PRDM9: variants seen among roughly 807,000 people sequenced by gnomAD.
The protein encoded by PRDM9 is histone-lysine N-methyltransferase PRDM9.
In PRDM9, 47 loss-of-function variants were observed where a neutral mutation model predicts 55.6. That is an observed-to-expected ratio of 0.85 (90% CI 0.67 to 1.08). PRDM9 has a LOEUF of 1.08. PRDM9 is among the 50% of genes least tolerant of loss of function. The pLI, the probability that PRDM9 is intolerant of heterozygous loss-of-function variation, is 0.00. For missense variants in PRDM9, 867 were observed against 1,040.3 expected (o/e 0.83, Z 2.29); for synonymous variants, 312 against 375.7 (o/e 0.83, Z 1.96).
intron 4 of PRDM9, among the ~76,000 whole-genome samples, chr5:23,514,641 T>C (rs1360635336): frequency 6.6e-6 from 1 of 152,118 alleles, no homozygotes; most frequent in Non-Finnish European, 1.5e-5. Flanking sequence ...GGTTTTACCA[T>C]GTTGACCAGG....
At chr5:23,508,348 G>C (rs1166672693) in intron 1 of PRDM9, among the ~76,000 whole-genome samples, 1 of 151,826 alleles carries the variant, frequency 6.6e-6, no homozygotes, top group African/African-American at 2.4e-5. Flanking sequence ...AAGCTCCTCA[G>C]CTCGAGATAC....
intron 5 of PRDM9, among the ~76,000 whole-genome samples, chr5:23,518,466 A>T (rs1739262818): frequency 1.3e-5 from 2 of 152,190 alleles, no homozygotes; most frequent in Non-Finnish European, 2.9e-5. Flanking sequence ...TGTTATGGTA[A>T]AGTGAGATTT....
chr5:23,523,282 G>C lies in PRDM9; in HGVS notation c.883-9G>C. ...TAAAAAGCCTTTGCCTTGTTTTTCT[G>C]AAACTCAGATCACCAAGGGGAGAAA... is the stretch of plus-strand genomic sequence containing the variant. On this transcript the variant is annotated splice_polypyrimidine_tract_variant and intron_variant, in intron 8 of 10. Coordinates refer to ENST00000296682, the MANE Select transcript of PRDM9 (RefSeq NM_020227.4). The C allele has an allele frequency of 2.5e-6, 4 of 1,613,008 alleles. No homozygotes were observed. Among genetic ancestry groups the C allele is most frequent in the Non-Finnish European group, 3.4e-6 (4 of 1,179,022 alleles).
At position 23,524,364 on chromosome 5, in the gene PRDM9, G is replaced by A. The variant is rs377334359; in HGVS notation, c.981G>A (p.Glu327=). The A allele has an allele frequency of 2.3e-5, 37 of 1,614,004 alleles. 1 individual carries two copies. Among genetic ancestry groups the A allele is most frequent in the African/African-American group, 1.3e-4 (10 of 75,028 alleles). ...TGAACTGTGCCCGGGATGATGAAGA[G>A]CAGAACCTGGTGGCCTTCCAGTACC... is the stretch of plus-strand genomic sequence containing the variant. ...RYVNCARDDE[E]QNLVAFQYHR... Residue 327 remains glutamate, a synonymous_variant, in exon 10 of 11, where the codon GAG becomes GAA. Coordinates refer to ENST00000296682, the MANE Select transcript of PRDM9 (RefSeq NM_020227.4).
At position 23,526,718 on chromosome 5, in the gene PRDM9, A is replaced by G. The variant is rs753159835; in HGVS notation, c.1630A>G (p.Arg544Gly). Residue 544 changes from arginine (R) to glycine (G), a missense_variant, in exon 11 of 11, where the codon AGG (arginine) becomes GGG (glycine). By Grantham distance (125) the Arg-to-Gly change is moderately radical. This residue lies in a region of PRDM9 where 662 missense variants were observed against 711.9 expected (regional missense o/e 0.93). Transcript: ENST00000296682. ...SVKSDVITHQ[R>G]THTGEKLYVC... Reference sequence around the variant, plus strand: ...TAAATCAGATGTTATTACACACCAAAGGACACATACAGGGGAGAAGCTCTA... The same window carrying G: ...TAAATCAGATGTTATTACACACCAAGGGACACATACAGGGGAGAAGCTCTA... 1.7e-5 allele frequency: 27 copies of G among 1,614,138 alleles called. No individual in the cohort carries two copies. Among genetic ancestry groups the G allele is most frequent in the Non-Finnish European group, 2.3e-5 (27 of 1,180,058 alleles).
chr5:23,522,499 T>C, intron 7 of PRDM9, 94 bp downstream of exon 7: 2 of 1,584,050 alleles, frequency 1.3e-6, no homozygotes, highest in South Asian at 1.1e-5. Flanking sequence ...CTTACTCTAA[T>C]GAATTAGAGT....
intron 7 of PRDM9, 27 bp downstream of exon 7, chr5:23,522,432 C>G (rs1561020610): frequency 1.3e-6 from 2 of 1,597,632 alleles, no homozygotes; most frequent in Non-Finnish European, 1.7e-6. Context: ...GCCACTCACA[C>G]AGCTTGCTGT....
intron 4 of PRDM9, among the ~76,000 whole-genome samples, chr5:23,515,113 A>G (rs1395700540): frequency 2.0e-5 from 3 of 151,616 alleles, no homozygotes; most frequent in Non-Finnish European, 4.4e-5. Flanking sequence ...ACAGGCACAT[A>G]CCACCACGCC....
chr5:23,520,754 C>T (rs897952954), intron 5 of PRDM9, among the ~76,000 whole-genome samples: 11 of 152,180 alleles, frequency 7.2e-5, no homozygotes, highest in East Asian at 1.9e-4. Context: ...GTTGATTCTC[C>T]AGCTAGTCTT....
chr5:23,517,204 A>G (rs1332107717), intron 4 of PRDM9, among the ~76,000 whole-genome samples: 1 of 144,482 alleles, frequency 6.9e-6, no homozygotes, highest in African/African-American at 2.5e-5. Flanking sequence ...TGATCTTTTT[A>G]TGTTAAAGTG....
chr5:23,509,370 T>C, intron 2 of PRDM9, 100 bp from the exon 3 acceptor site: 2 of 1,587,544 alleles, frequency 1.3e-6, no homozygotes. Flanking sequence ...TCACAGAGAC[T>C]CCCAGAGGCC....
intron 6 of PRDM9, 66 bp from the exon 7 acceptor site, chr5:23,522,238 T>G (rs2126426718): frequency 7.4e-7 from 1 of 1,346,474 alleles, no homozygotes. Context: ...ATTTCACATT[T>G]TCTTATGAAA....
Position 23,526,512 on chromosome 5 carries a change from C to G in PRDM9, c.1424C>G (p.Ala475Gly). The G allele has an allele frequency of 6.2e-7, 1 of 1,614,008 alleles. No homozygotes were observed. The highest frequency in any genetic ancestry group is 8.5e-7 in the Non-Finnish European group (1 of 1,179,936). ...ACATGGCAGAGGGAGATTTCAAGGG[C>G]CTTTTCTAGCCCACCCAAAGGACAA... ...KRTWQREISR[A>G]FSSPPKGQMG... The change falls in exon 11 of 11, where the codon GCC becomes GGC. Residue 475 changes from alanine (A) to glycine (G), a missense_variant. By Grantham distance (60) the Ala-to-Gly change is moderately conservative. Coordinates refer to ENST00000296682, the MANE Select transcript of PRDM9 (RefSeq NM_020227.4).
At chr5:23,519,128 C>T (rs1435010730) in intron 5 of PRDM9, among the ~76,000 whole-genome samples, 6 of 152,140 alleles carry the variant, frequency 3.9e-5, no homozygotes, top group Non-Finnish European at 8.8e-5. Flanking sequence ...GACTCAATCT[C>T]GGCTTACTGC....
At chr5:23,522,927 T>A in intron 8 of PRDM9, 42 bp downstream of exon 8, 3 of 1,614,142 alleles carry the variant, frequency 1.9e-6, no homozygotes, top group Non-Finnish European at 2.5e-6. Flanking sequence ...TCTTCCCACA[T>A]CCCTTCTGTG....
intron 4 of PRDM9, among the ~76,000 whole-genome samples, chr5:23,512,954 A>G (rs1005030515): frequency 6.6e-6 from 1 of 152,032 alleles, no homozygotes; most frequent in African/African-American, 2.4e-5. Context: ...ATGTGACAAG[A>G]TTTTCTTCTT....
intron 4 of PRDM9, among the ~76,000 whole-genome samples, chr5:23,516,025 T>A (rs1181049418): frequency 6.6e-6 from 1 of 152,350 alleles, no homozygotes; most frequent in Non-Finnish European, 1.5e-5. Context: ...AATTTTTGGA[T>A]ATTTTTCCTT....
chr5:23,510,126 C>T (rs1220645029), intron 4 of PRDM9, 99 bp downstream of exon 4: 59 of 1,201,044 alleles, frequency 4.9e-5, no homozygotes, highest in Non-Finnish European at 6.4e-5. Flanking sequence ...ATGATCTTGG[C>T]TCACTGCAAT....
chr5:23,513,535 T>C (rs1020002154), intron 4 of PRDM9, among the ~76,000 whole-genome samples: 2 of 152,102 alleles, frequency 1.3e-5, no homozygotes, highest in Non-Finnish European at 2.9e-5. Flanking sequence ...GGCCATGCTC[T>C]TCAACTTCCC....
Sources: allele counts gnomAD v4.1 joint callset (sites outside exome capture counted in the v4.1 genomes callset), GRCh38; gene constraint gnomAD v4.1.1; regional missense constraint gnomAD v4.1.1; transcripts MANE v1.5; gene names NCBI Gene and HGNC (gene_info 2026-07-23, HGNC 2026-07-21).